DPP10: variants seen among roughly 807,000 people sequenced by gnomAD.
DPP10 encodes the protein inactive dipeptidyl peptidase 10.
DPP10 carries 33 observed loss-of-function variants against 120.9 expected under a neutral mutation model. The observed-to-expected ratio is 0.27, with a 90% CI of 0.21 to 0.37. The LOEUF is 0.37. Among genes scored for constraint, DPP10 ranks in the 10% least tolerant of loss-of-function variants. The pLI, the probability that DPP10 is intolerant of heterozygous loss-of-function variation, is 1.00. For missense variants in DPP10, 816 were observed against 942.8 expected (o/e 0.87, Z 1.76); for synonymous variants, 337 against 326.1 (o/e 1.03, Z -0.36).
chr2:115,260,873 T>C (rs1208581763), intron 1 of DPP10, among the ~76,000 whole-genome samples: 2 of 152,108 alleles, frequency 1.3e-5, no homozygotes, highest in Non-Finnish European at 1.5e-5. Flanking sequence ...AATTTGGAAA[T>C]TAAAAGTAGA....
chr2:115,072,791 C>A (rs962845254), intron 1 of DPP10, among the ~76,000 whole-genome samples: 1 of 151,258 alleles, frequency 6.6e-6, no homozygotes, highest in African/African-American at 2.4e-5. Flanking sequence ...AATATATTTT[C>A]TTTTTTTTTG....
At chr2:115,312,310 A>C (rs71418553) in intron 2 of DPP10, among the ~76,000 whole-genome samples, 4 of 152,132 alleles carry the variant, frequency 2.6e-5, no homozygotes, top group Admixed American at 2.0e-4. Flanking sequence ...GGCAAGTATA[A>C]CAACTAGTGG....
chr2:115,735,049 G>A (rs562667547), intron 8 of DPP10, among the ~76,000 whole-genome samples: 22 of 152,280 alleles, frequency 1.4e-4, no homozygotes, highest in South Asian at 4.1e-4. Context: ...TTGGTTGGGC[G>A]AAGCCAAACT....
intron 5 of DPP10, among the ~76,000 whole-genome samples, chr2:115,609,651 C>T (rs1476507987): frequency 1.3e-5 from 2 of 152,090 alleles, no homozygotes. Flanking sequence ...GTGACATTTC[C>T]ATTCTACTAG....
At chr2:115,761,843 T>C (rs1416319929) in intron 11 of DPP10, among the ~76,000 whole-genome samples, 3 of 152,170 alleles carry the variant, frequency 2.0e-5, no homozygotes, top group Non-Finnish European at 4.4e-5. Context: ...AAGCCCCTAA[T>C]ATGTTGTTAC....
chr2:115,445,286 G>A (rs886440831), intron 3 of DPP10, among the ~76,000 whole-genome samples: 1 of 152,146 alleles, frequency 6.6e-6, no homozygotes, highest in Non-Finnish European at 1.5e-5. Context: ...CCAGAAGTGG[G>A]GTACTGCTAT....
intron 1 of DPP10, among the ~76,000 whole-genome samples, chr2:114,564,056 C>G (rs138000338): frequency 2.0e-5 from 3 of 152,114 alleles, no homozygotes; most frequent in Non-Finnish European, 4.4e-5. Context: ...TTCCAGCAAT[C>G]GATTCCTTTG....
At chr2:115,072,533 C>T (rs551120892) in intron 1 of DPP10, among the ~76,000 whole-genome samples, 16 of 152,256 alleles carry the variant, frequency 1.1e-4, no homozygotes, top group African/African-American at 3.4e-4. Context: ...ATGAATCTAT[C>T]TTCAGAAAAT....
intron 2 of DPP10, among the ~76,000 whole-genome samples, chr2:115,316,175 A>G (rs889120691): frequency 1.3e-5 from 2 of 152,166 alleles, no homozygotes; most frequent in Non-Finnish European, 1.5e-5. Context: ...CTAATATTGC[A>G]TAGATACTAT....
At chr2:114,898,582 A>C (rs1432116661) in intron 1 of DPP10, among the ~76,000 whole-genome samples, 1 of 152,200 alleles carries the variant, frequency 6.6e-6, no homozygotes, top group Admixed American at 6.5e-5. Flanking sequence ...AAATATTGTA[A>C]TGGACAGTTA....
At chr2:115,644,520 C>T (rs557510442) in intron 5 of DPP10, among the ~76,000 whole-genome samples, 1 of 151,804 alleles carries the variant, frequency 6.6e-6, no homozygotes, top group South Asian at 2.1e-4. Flanking sequence ...CCTATAAACC[C>T]AACACTTTGG....
intron 1 of DPP10, among the ~76,000 whole-genome samples, chr2:115,067,265 G>C (rs1266493756): frequency 6.6e-6 from 1 of 151,230 alleles, no homozygotes; most frequent in Non-Finnish European, 1.5e-5. Context: ...TTTTGTTTTT[G>C]TTTTGAGACG....
chr2:115,611,942 T>C (rs1011098184), intron 5 of DPP10, among the ~76,000 whole-genome samples: 1 of 152,166 alleles, frequency 6.6e-6, no homozygotes, highest in African/African-American at 2.4e-5. Flanking sequence ...AAATCTAGAA[T>C]ACACATCTCC....
intron 3 of DPP10, among the ~76,000 whole-genome samples, chr2:115,353,689 G>A (rs1018004902): frequency 6.6e-6 from 1 of 151,928 alleles, no homozygotes; most frequent in Non-Finnish European, 1.5e-5. Flanking sequence ...GCATTTTTTT[G>A]AAAACCCTTC....
chr2:115,523,418 A>C (rs1196708399), intron 4 of DPP10, among the ~76,000 whole-genome samples: 2 of 150,998 alleles, frequency 1.3e-5, no homozygotes, highest in East Asian at 1.9e-4. Context: ...AAAAAAAAAA[A>C]AAAACCCTCC....
chr2:115,392,047 C>A (rs1559533907), intron 3 of DPP10, among the ~76,000 whole-genome samples: 2 of 152,146 alleles, frequency 1.3e-5, no homozygotes, highest in African/African-American at 4.8e-5. Flanking sequence ...ATCTTCTCAT[C>A]TGTATAATAA....
chr2:115,114,550 A>T (rs11123280), intron 1 of DPP10, among the ~76,000 whole-genome samples: 31,309 of 152,056 alleles, frequency 0.21, 3,955 homozygotes, highest in East Asian at 0.36. Context: ...TAGATTCTCT[A>T]CATGTGCCAC....
intron 1 of DPP10, among the ~76,000 whole-genome samples, chr2:115,003,050 G>C (rs749269792): frequency 4.0e-5 from 6 of 151,198 alleles, no homozygotes; most frequent in Non-Finnish European, 8.8e-5. Flanking sequence ...TATCATAAAG[G>C]AACATACATC....
rs1310199623 is a variant in DPP10, at chr2:115,840,319, G to GTTTTTTTT, written c.2183-416_2183-409dup. ...CTAAAGCCAGATATAAGGTTTTTTGGTTTTTTTTTTTTTTTTTTTTTTGAG... is the reference window on the plus strand; with the variant it reads ...CTAAAGCCAGATATAAGGTTTTTTGGTTTTTTTTTTTTTTTTTTTTTTTTTTTTTTGAG... On this transcript the variant is annotated intron_variant, in intron 24 of 25. Coordinates refer to ENST00000410059, the MANE Select transcript of DPP10 (RefSeq NM_020868.6). 5.9e-3 allele frequency among the ~76,000 whole-genome samples: 467 copies of GTTTTTTTT among 79,502 alleles called. 111 individuals are homozygous for GTTTTTTTT. The highest frequency in any genetic ancestry group is 0.011 in the African/African-American group (233 of 21,682). 52.2% of individuals were successfully genotyped at this position (79,502 alleles called of 152,430 possible).
Sources: gnomAD v4.1 joint callset for allele counts (sites outside exome capture counted in the v4.1 genomes callset) on GRCh38, gnomAD v4.1.1 for gene constraint, MANE v1.5 for transcripts, NCBI Gene and HGNC (gene_info 2026-07-23, HGNC 2026-07-21) for gene names.